NPAT: variants seen among roughly 807,000 people sequenced by gnomAD.
The protein encoded by NPAT is protein NPAT.
In NPAT, 52 loss-of-function variants were observed where a neutral mutation model predicts 130.7. The observed-to-expected ratio is 0.40, with a 90% confidence interval of 0.32 to 0.50. The LOEUF is 0.50. Among genes scored for constraint, NPAT ranks in the 20% least tolerant of loss-of-function variants. The pLI, the probability that NPAT is intolerant of heterozygous loss-of-function variation, is 0.68. For missense variants in NPAT, 1,687 were observed against 1,662.6 expected (o/e 1.01, Z -0.26); for synonymous variants, 580 against 584.8 (o/e 0.99, Z 0.12).
intron 15 of NPAT, among the ~76,000 whole-genome samples, chr11:108,165,060 G>A (rs970026352): frequency 6.6e-6 from 1 of 151,930 alleles, no homozygotes; most frequent in African/African-American, 2.4e-5. Flanking sequence ...AACTCTGAGG[G>A]TTAGGGTGGT....
At chr11:108,205,690 G>A (rs544452871) in intron 1 of NPAT, among the ~76,000 whole-genome samples, 7 of 152,160 alleles carry the variant, frequency 4.6e-5, no homozygotes, top group Non-Finnish European at 8.8e-5. Flanking sequence ...ATACTAAAGG[G>A]GGACTCCTTC....
chr11:108,182,981 T>C (rs777042463), intron 10 of NPAT, among the ~76,000 whole-genome samples: 1 of 152,164 alleles, frequency 6.6e-6, no homozygotes, highest in Non-Finnish European at 1.5e-5. Flanking sequence ...AGAGCATACA[T>C]ATTTGTTTTT....
intron 10 of NPAT, among the ~76,000 whole-genome samples, chr11:108,177,715 TTCCC>T (rs1160305298): frequency 9.4e-6 from 1 of 106,342 alleles, no homozygotes; most frequent in East Asian, 2.5e-4. Flanking sequence ...TACTATAAAG[TTCCC>T]TTTTTTTTTG....
In NPAT at chr11:108,222,489, T is replaced by A. The variant is rs1404698082; in HGVS notation, c.37+11A>T. On this transcript the variant is annotated intron_variant, in intron 1 of 17. Transcript: ENST00000278612. ...GGGTCCAATAACCCTCCATCCCGCG[T>A]CCGCGCTTACCCAATACAAGCCGGG... is the stretch of plus-strand genomic sequence containing the variant. 1.2e-6 allele frequency: 2 copies of A among 1,613,422 alleles called. No individual in the cohort carries two copies. Among genetic ancestry groups the A allele is most frequent in the Non-Finnish European group, 1.7e-6 (2 of 1,179,742 alleles).
intron 1 of NPAT, among the ~76,000 whole-genome samples, chr11:108,207,953 G>T (rs1304184389): frequency 1.3e-5 from 2 of 152,196 alleles, no homozygotes; most frequent in Non-Finnish European, 2.9e-5. Flanking sequence ...GAAAGTAAAA[G>T]GATAGGAAAG....
chr11:108,211,210 G>A (rs938857646), intron 1 of NPAT, among the ~76,000 whole-genome samples: 23 of 150,406 alleles, frequency 1.5e-4, no homozygotes, highest in South Asian at 2.1e-4. Context: ...GTGAGACACC[G>A]TCTAAAAAAA....
chr11:108,209,216 G>A (rs2078359619), intron 1 of NPAT, among the ~76,000 whole-genome samples: 1 of 152,092 alleles, frequency 6.6e-6, no homozygotes, highest in Non-Finnish European at 1.5e-5. Context: ...AGAGGCGGAG[G>A]CTGCAGTGAG....
At chr11:108,214,440 C>T (rs557819785) in intron 1 of NPAT, among the ~76,000 whole-genome samples, 8 of 151,866 alleles carry the variant, frequency 5.3e-5, no homozygotes, top group Non-Finnish European at 7.4e-5. Flanking sequence ...TGGCAGAGGA[C>T]GGGGCAAGGG....
chr11:108,187,691 A>C (rs760688833), intron 7 of NPAT, among the ~76,000 whole-genome samples: 21 of 152,166 alleles, frequency 1.4e-4, no homozygotes, highest in Non-Finnish European at 2.2e-4. Flanking sequence ...TTTTGGGAAA[A>C]ACACTTTTCT....
intron 1 of NPAT, among the ~76,000 whole-genome samples, chr11:108,212,136 A>T (rs1190103333): frequency 6.6e-6 from 1 of 151,908 alleles, no homozygotes; most frequent in Non-Finnish European, 1.5e-5. Flanking sequence ...CTTTCCCCAT[A>T]AGATCAGGGA....
chr11:108,159,535 C>A (rs2077825525), intron 17 of NPAT, among the ~76,000 whole-genome samples: 3 of 152,290 alleles, frequency 2.0e-5, no homozygotes, highest in African/African-American at 7.2e-5. Context: ...AGGATTCAAA[C>A]CCAGACTTGT....
chr11:108,216,835 T>C (rs1480778451), intron 1 of NPAT, among the ~76,000 whole-genome samples: 6 of 152,204 alleles, frequency 3.9e-5, no homozygotes, highest in African/African-American at 1.2e-4. Flanking sequence ...TGCCCCAACT[T>C]TGGCAATCTT....
intron 1 of NPAT, among the ~76,000 whole-genome samples, chr11:108,217,525 T>C (rs980857706): frequency 6.6e-6 from 1 of 152,184 alleles, no homozygotes; most frequent in Non-Finnish European, 1.5e-5. Flanking sequence ...CAAGAACCTA[T>C]TGAACCTATT....
chr11:108,177,822 G>A (rs1035336998), intron 10 of NPAT, among the ~76,000 whole-genome samples: 1 of 152,116 alleles, frequency 6.6e-6, no homozygotes, highest in East Asian at 1.9e-4. Flanking sequence ...CCGAGCTCAG[G>A]TGATCCTCTC....
At chr11:108,172,137 C>T in intron 13 of NPAT, 62 bp downstream of exon 13, 1 of 1,404,064 alleles carries the variant, frequency 7.1e-7, no homozygotes, top group South Asian at 1.2e-5. Context: ...AATAACATCA[C>T]ATACAAAAGA....
chr11:108,215,533 A>T (rs1241346383), intron 1 of NPAT, among the ~76,000 whole-genome samples: 4 of 152,234 alleles, frequency 2.6e-5, no homozygotes, highest in Non-Finnish European at 4.4e-5. Flanking sequence ...AAAGATAAAA[A>T]AAAGAAATTA....
At chr11:108,186,900 A>G (rs2078113094) in intron 7 of NPAT, among the ~76,000 whole-genome samples, 1 of 152,116 alleles carries the variant, frequency 6.6e-6, no homozygotes, top group African/African-American at 2.4e-5. Flanking sequence ...TTCAAGGTCA[A>G]CTATATTTTC....
In NPAT at chr11:108,193,999, AG is replaced by A; in HGVS notation, c.174del (p.Leu59Ter). ...PACLLSLFGKNLTTILNEYVA... is the reference protein window; with the variant it reads ...PACLLSLFGKXLTTILNEYVA... ...ACATACTCATTTAAAATTGTTGTCA[AG>A]TTTTTTCCAAATAAGGACTGAAAAG... On this transcript the variant is annotated frameshift_variant, in exon 3 of 18. Coordinates refer to ENST00000278612, the MANE Select transcript of NPAT (RefSeq NM_002519.3). LOFTEE classifies it high-confidence loss of function. The A allele has an allele frequency of 6.4e-7, 1 of 1,558,640 alleles. No individual in the cohort carries two copies. Among genetic ancestry groups the A allele is most frequent in the Non-Finnish European group, 8.8e-7 (1 of 1,130,500 alleles).
intron 1 of NPAT, among the ~76,000 whole-genome samples, chr11:108,221,611 A>G (rs2078499521): frequency 6.6e-6 from 1 of 152,204 alleles, no homozygotes; most frequent in Admixed American, 6.5e-5. Flanking sequence ...TAATAGTAGT[A>G]ATGGCTGTGA....
Sources: gnomAD v4.1 joint callset for allele counts (sites outside exome capture counted in the v4.1 genomes callset) on GRCh38, gnomAD v4.1.1 for gene constraint, MANE v1.5 for transcripts, NCBI Gene and HGNC (gene_info 2026-07-23, HGNC 2026-07-21) for gene names.